Variants in ELP3 observed in about 807,000 individuals in gnomAD.
ELP3 encodes elongator complex protein 3.
A neutral mutation model predicts 74.9 loss-of-function variants in ELP3; 56 were observed. The ratio of observed to expected loss-of-function variants is 0.75; its 90% confidence interval spans 0.60 to 0.93. The LOEUF (loss-of-function observed/expected upper bound fraction) is 0.93, where lower values mean the gene tolerates loss of function less well. Among genes scored for constraint, ELP3 ranks in the 40% least tolerant of loss-of-function variants. The pLI is 0.00. For missense variants in ELP3, 573 were observed against 686.5 expected, an observed-to-expected ratio of 0.83 and a Z score of 1.85; for synonymous variants, 222 against 239.8, an observed-to-expected ratio of 0.93 and a Z score of 0.68.
In ELP3 at chr8:28,129,632, G is replaced by C; in HGVS notation, c.748G>C (p.Val250Leu). ...AAGGCTGGAGATTGGGGTGCAGAGT[G>C]TTTATGAAGATGTGGCTAGAGACAC... is the stretch of plus-strand genomic sequence containing the variant. Reference protein sequence around the residue: ...CTRLEIGVQSVYEDVARDTNR... With the variant: ...CTRLEIGVQSLYEDVARDTNR... Residue 250 changes from valine to leucine, a missense_variant, in exon 8 of 15, where the codon GTT becomes CTT. Coordinates refer to ENST00000256398, the MANE Select transcript of ELP3 (RefSeq NM_018091.6). 6.2e-7 allele frequency: 1 copy of C among 1,614,186 alleles called. No homozygotes were observed. The highest frequency in any genetic ancestry group is 1.1e-5 in the South Asian group (1 of 91,086).
At chr8:28,170,914 G>A (rs995082325) in intron 14 of ELP3, among the ~76,000 whole-genome samples, 1 of 152,014 alleles carries the variant, frequency 6.6e-6, no homozygotes, top group Non-Finnish European at 1.5e-5. Flanking sequence ...TCTATTTTCT[G>A]TCTCTGTGAA....
chr8:28,107,814 A>G (rs2130380588), intron 4 of ELP3, 99 bp from the exon 5 acceptor site: 2 of 867,684 alleles, frequency 2.3e-6, no homozygotes, highest in East Asian at 5.0e-5. Flanking sequence ...AAGGAAGCTC[A>G]TTTGTTATCA....
intron 9 of ELP3, 41 bp downstream of exon 9, chr8:28,132,445 C>T (rs2130464875): frequency 6.2e-7 from 1 of 1,612,624 alleles, no homozygotes; most frequent in Non-Finnish European, 8.5e-7. Flanking sequence ...AATGGCTCTG[C>T]ATGTTTCTTA....
At chr8:28,118,013 CTA>C (rs1379256388) in intron 7 of ELP3, among the ~76,000 whole-genome samples, 1 of 152,208 alleles carries the variant, frequency 6.6e-6, no homozygotes, top group African/African-American at 2.4e-5. Flanking sequence ...TGCCCAGAGT[CTA>C]TGAGTGAAAA....
chr8:28,159,522 T>C (rs1813981820), intron 12 of ELP3, among the ~76,000 whole-genome samples: 1 of 152,220 alleles, frequency 6.6e-6, no homozygotes, highest in Non-Finnish European at 1.5e-5. Context: ...TCCATATGTA[T>C]ACTTTTCTCT....
At chr8:28,142,494 AGG>A (rs1256128058) in intron 10 of ELP3, among the ~76,000 whole-genome samples, 1 of 152,246 alleles carries the variant, frequency 6.6e-6, no homozygotes, top group Non-Finnish European at 1.5e-5. Context: ...CTTCACACAT[AGG>A]TGGGTGGATT....
chr8:28,110,742 A>G (rs542209247), intron 6 of ELP3: 7 of 271,630 alleles, frequency 2.6e-5, no homozygotes, highest in African/African-American at 1.1e-4. Flanking sequence ...GTTCTTAGAC[A>G]ATGGGTGGGT....
chr8:28,166,153 AAAG>A (rs1296353220), intron 14 of ELP3, among the ~76,000 whole-genome samples: 3 of 152,186 alleles, frequency 2.0e-5, no homozygotes, highest in East Asian at 1.9e-4. Context: ...ACATATGAAA[AAAG>A]AAGATGTGTG....
Position 28,190,489 on chromosome 8 carries a change from C to G in ELP3, c.*764C>G, listed in dbSNP as rs1355235099. On this transcript the variant is annotated 3_prime_UTR_variant, in exon 15 of 15. Coordinates refer to ENST00000256398, the MANE Select transcript of ELP3 (RefSeq NM_018091.6). ...TGGTCCCCAGAGAGCGTTTGGCTTT[C>G]CTGTCTGTCTATCCTGAGCGGGTGG... is the stretch of plus-strand genomic sequence containing the variant. 1 of 152,230 alleles carries G rather than the reference C, an allele frequency of 6.6e-6. No individual in the cohort carries two copies. The highest frequency in any genetic ancestry group is 1.5e-5 in the Non-Finnish European group (1 of 68,094). 9.4% of individuals were successfully genotyped at this position (152,230 alleles called of 1,614,324 possible). A position where few individuals can be genotyped will look rare whatever the true frequency, so the allele number is the denominator to read the frequency against.
intron 7 of ELP3, 52 bp from the exon 8 acceptor site, chr8:28,129,450 A>G (rs544188939): frequency 1.3e-6 from 2 of 1,597,114 alleles, no homozygotes; most frequent in African/African-American, 2.7e-5. Flanking sequence ...TTTGAGACAG[A>G]GTAATGTCTT....
At chr8:28,110,114 G>A (rs905197653) in intron 5 of ELP3, among the ~76,000 whole-genome samples, 6 of 152,286 alleles carry the variant, frequency 3.9e-5, no homozygotes, top group Non-Finnish European at 8.8e-5. Flanking sequence ...GATTCCAGAA[G>A]TGTTTATACA....
intron 8 of ELP3, among the ~76,000 whole-genome samples, chr8:28,130,707 G>A (rs1426977878): frequency 6.6e-6 from 1 of 152,184 alleles, no homozygotes; most frequent in East Asian, 1.9e-4. Context: ...TGAAGAATAC[G>A]ACATCTGAGT....
intron 14 of ELP3, among the ~76,000 whole-genome samples, chr8:28,175,810 C>CTTTTTT (rs56901616): frequency 1.8e-4 from 14 of 78,246 alleles, no homozygotes; most frequent in Non-Finnish European, 2.8e-4. Context: ...TGTCTAGTGA[C>CTTTTTT]TTTTTTTTTT....
chr8:28,113,334 G>C (rs1004708634), intron 7 of ELP3, among the ~76,000 whole-genome samples, 161 bp downstream of exon 7: 1 of 152,040 alleles, frequency 6.6e-6, no homozygotes. Context: ...TAATGCTTTC[G>C]CTGAAATAAT....
intron 13 of ELP3, among the ~76,000 whole-genome samples, chr8:28,161,360 G>T (rs1011673646): frequency 2.6e-5 from 4 of 152,066 alleles, no homozygotes; most frequent in Non-Finnish European, 4.4e-5. Context: ...GATCACCTGA[G>T]GTCAGGAGTT....
At chr8:28,123,336 A>G (rs1812447002) in intron 7 of ELP3, among the ~76,000 whole-genome samples, 1 of 152,052 alleles carries the variant, frequency 6.6e-6, no homozygotes, top group South Asian at 2.1e-4. Context: ...GTTTTTCTTG[A>G]TATCTTATTA....
chr8:28,121,155 A>G (rs1362414760), intron 7 of ELP3, among the ~76,000 whole-genome samples: 2 of 152,126 alleles, frequency 1.3e-5, no homozygotes, highest in African/African-American at 4.8e-5. Flanking sequence ...ATTCATGAAC[A>G]TAGTCTATCT....
At chr8:28,101,378 C>T (rs926125874) in intron 3 of ELP3, among the ~76,000 whole-genome samples, 2 of 152,022 alleles carry the variant, frequency 1.3e-5, no homozygotes, top group African/African-American at 4.8e-5. Flanking sequence ...TGAGATCATG[C>T]CACTGCACTC....
At chr8:28,186,563 G>C (rs1450148654) in intron 14 of ELP3, among the ~76,000 whole-genome samples, 1 of 152,148 alleles carries the variant, frequency 6.6e-6, no homozygotes, top group African/African-American at 2.4e-5. Context: ...CTTATAACAG[G>C]ATACCTGAAA....
Sources: gnomAD v4.1 joint callset for allele counts (sites outside exome capture counted in the v4.1 genomes callset) on GRCh38, gnomAD v4.1.1 for gene constraint, MANE v1.5 for transcripts, NCBI Gene and HGNC (gene_info 2026-07-23, HGNC 2026-07-21) for gene names.